VPS53: variants seen among roughly 807,000 people sequenced by gnomAD.
VPS53 encodes vacuolar protein sorting-associated protein 53 homolog.
VPS53 carries 70 observed loss-of-function variants against 107.0 expected under a neutral mutation model. The observed-to-expected ratio is 0.65, with a 90% confidence interval of 0.54 to 0.80. The LOEUF is 0.80. Among genes scored for constraint, VPS53 ranks in the 30% least tolerant of loss-of-function variants. The pLI is 0.00. For missense variants in VPS53, 917 were observed against 1,049.4 expected, an observed-to-expected ratio of 0.87 and a Z score of 1.74; for synonymous variants, 409 against 393.3, an observed-to-expected ratio of 1.04 and a Z score of -0.47.
At chr17:686,713 A>C (rs1972598598) in intron 4 of VPS53, among the ~76,000 whole-genome samples, 1 of 152,258 alleles carries the variant, frequency 6.6e-6, no homozygotes, top group Non-Finnish European at 1.5e-5. Context: ...CGGAAAAGCC[A>C]CAGGAACTCG....
intron 4 of VPS53, among the ~76,000 whole-genome samples, chr17:694,256 G>A (rs1440329315): frequency 6.6e-6 from 1 of 152,162 alleles, no homozygotes; most frequent in Admixed American, 6.5e-5. Flanking sequence ...ATGTGGTCTT[G>A]CTCTGTGAAA....
At chr17:684,316 CA>C (rs938105710) in intron 4 of VPS53, among the ~76,000 whole-genome samples, 77 of 148,158 alleles carry the variant, frequency 5.2e-4, no homozygotes, top group African/African-American at 1.6e-3. Context: ...CAAAAGCCTA[CA>C]AAAAAAAAAT....
intron 19 of VPS53, among the ~76,000 whole-genome samples, chr17:525,151 G>GT (rs1909035073): frequency 6.6e-6 from 1 of 152,154 alleles, no homozygotes; most frequent in Admixed American, 6.5e-5. Context: ...TCAGAAAATA[G>GT]TAAGTTGGGC....
At position 519,430 on chromosome 17, in the gene VPS53, C is replaced by A; in HGVS notation, c.2329-132G>T. On this transcript the variant is annotated intron_variant, in intron 21 of 21. Coordinates refer to ENST00000437048, the MANE Select transcript of VPS53 (RefSeq NM_001128159.3). The surrounding 1 kb of genome is among the most constrained non-coding windows in gnomAD (Gnocchi z 5.0). ...ATAGTTACTCCAGGCTGAGGATGAA[C>A]CGTTTCCTCAAGGGACTCACCATCC... is the stretch of plus-strand genomic sequence containing the variant. 2 of 958,828 alleles carry A rather than the reference C, an allele frequency of 2.1e-6. No homozygotes were observed. The highest frequency in any genetic ancestry group is 2.1e-5 in the South Asian group (1 of 48,288). The allele number at this position is 958,828 out of a possible 1,614,324, so 59.4% of individuals were successfully genotyped here.
intron 4 of VPS53, among the ~76,000 whole-genome samples, chr17:671,487 C>G (rs1283089630): frequency 6.6e-6 from 1 of 152,248 alleles, no homozygotes; most frequent in African/African-American, 2.4e-5. Context: ...TGATTTCTGT[C>G]AAGCCTCTTA....
intron 18 of VPS53, chr17:536,611 T>C (rs1910087568): frequency 5.9e-6 from 1 of 170,788 alleles, no homozygotes. Context: ...TTCTTTTGTG[T>C]ACAAATTAAA....
At chr17:672,109 G>GACAC (rs10630363) in intron 4 of VPS53, among the ~76,000 whole-genome samples, 21,632 of 108,514 alleles carry the variant, frequency 0.2, 1,674 homozygotes, top group South Asian at 0.24. Flanking sequence ...TGATGAGGGT[G>GACAC]ACACACACAC....
At chr17:619,928 G>A (rs1385096164) in intron 11 of VPS53, among the ~76,000 whole-genome samples, 3 of 132,772 alleles carry the variant, frequency 2.3e-5, no homozygotes, top group African/African-American at 5.8e-5. Context: ...GCGCCACCAC[G>A]CCCCGCTAGT....
In VPS53 at chr17:714,631, T is replaced by C. The variant is rs200859444; in HGVS notation, c.79A>G (p.Ile27Val). ...AGGGGCGGAACGCTTACCTGCTCGATGGCCAGCTGCACCTCGGGCGTGAGC... is the reference window on the plus strand; with the variant it reads ...AGGGGCGGAACGCTTACCTGCTCGACGGCCAGCTGCACCTCGGGCGTGAGC... ...LQLTPEVQLA[I>V]EQVFPSQDPL... The change falls in exon 1 of 22, where the codon ATC becomes GTC. Residue 27 changes from isoleucine to valine, a missense_variant. Ile to Val is a conservative substitution (Grantham distance 29). Coordinates refer to ENST00000437048, the MANE Select transcript of VPS53 (RefSeq NM_001128159.3). The C allele has an allele frequency of 8.1e-6, 13 of 1,611,962 alleles. No homozygotes were observed. The highest frequency in any genetic ancestry group is 6.7e-5 in the East Asian group (3 of 44,700).
chr17:671,345 GGAAA>G (rs768077040), intron 4 of VPS53, among the ~76,000 whole-genome samples: 19 of 149,174 alleles, frequency 1.3e-4, no homozygotes, highest in African/African-American at 2.5e-4. Flanking sequence ...GAAAGAAAGA[GGAAA>G]GAAAGAAAGA....
Position 655,869 on chromosome 17 carries a change from G to A in VPS53, c.457C>T (p.His153Tyr). 1 of 1,614,026 alleles carries A rather than the reference G, an allele frequency of 6.2e-7. No individual in the cohort carries two copies. The change falls in exon 6 of 22, where the codon CAC (histidine) becomes TAC (tyrosine). Residue 153 changes from histidine (H) to tyrosine (Y), a missense_variant. His to Tyr is a moderately conservative substitution (Grantham distance 83, BLOSUM62 2). Transcript: ENST00000437048. ...TTSITTLNHL[H>Y]MLAGGVDSLE... ...GAGTCGACACCTCCTGCCAGCATGTGCAGGTGGTTCAGTGTGGTGATTGAG... is the reference window on the plus strand; with the variant it reads ...GAGTCGACACCTCCTGCCAGCATGTACAGGTGGTTCAGTGTGGTGATTGAG...
intron 11 of VPS53, chr17:616,314 G>A (rs36027158): frequency 0.13 from 19,386 of 152,220 alleles, 1,661 homozygotes; most frequent in South Asian, 0.22. Flanking sequence ...AAATAGAGAG[G>A]GAAAGAAAGA....
rs969937337 is a variant in VPS53, at chr17:634,733, T to C, written c.609-3105A>G. 2.6e-4 allele frequency among the ~76,000 whole-genome samples: 40 copies of C among 152,232 alleles called. 1 individual carries two copies. Among genetic ancestry groups the C allele is most frequent in the East Asian group, 1.9e-3 (10 of 5,188 alleles). On this transcript the variant is annotated intron_variant, in intron 7 of 21. Transcript: ENST00000437048. ...CTAAAAGGGACATGAACTCATCCTT[T>C]TTTATGGCTGCATAGTATTCCATGG...
At chr17:630,016 G>T (rs897938999) in intron 8 of VPS53, among the ~76,000 whole-genome samples, 1 of 152,012 alleles carries the variant, frequency 6.6e-6, no homozygotes, top group Non-Finnish European at 1.5e-5. Context: ...ATGAGTGGCT[G>T]GGCATGGTGG....
At chr17:670,790 G>A (rs1186778593) in intron 4 of VPS53, among the ~76,000 whole-genome samples, 2 of 152,170 alleles carry the variant, frequency 1.3e-5, no homozygotes, top group African/African-American at 4.8e-5. Context: ...CGAAGAGCTG[G>A]TATGGCTTTA....
Position 518,817 on chromosome 17 carries a change from A to AGAG in VPS53, c.*308_*310dup, listed in dbSNP as rs1209899858. The AGAG allele has an allele frequency of 4.1e-6, 1 of 242,438 alleles. No individual in the cohort carries two copies. Among genetic ancestry groups the AGAG allele is most frequent in the Non-Finnish European group, 7.8e-6 (1 of 128,310 alleles). The allele number at this position is 242,438 out of a possible 1,614,324, so 15.0% of individuals were successfully genotyped here. On this transcript the variant is annotated 3_prime_UTR_variant, in exon 22 of 22. Coordinates refer to ENST00000437048, the MANE Select transcript of VPS53 (RefSeq NM_001128159.3). ...AAGGACGGGTGGGGCCCACGTGTCA[A>AGAG]GAGGGTGTGACTGCCATGGGGAGGC...
intron 17 of VPS53, among the ~76,000 whole-genome samples, chr17:544,406 G>A (rs1301787050): frequency 1.3e-5 from 2 of 152,188 alleles, no homozygotes; most frequent in African/African-American, 4.8e-5. Context: ...TTAGGAGGCC[G>A]AGGCTCTTCC....
chr17:566,576 GA>G, intron 13 of VPS53, among the ~76,000 whole-genome samples: 1 of 152,134 alleles, frequency 6.6e-6, no homozygotes. Flanking sequence ...TGGAGGGTGG[GA>G]AGGTGGAAAC....
At chr17:644,821 C>T (rs1242394222) in intron 7 of VPS53, among the ~76,000 whole-genome samples, 2 of 152,152 alleles carry the variant, frequency 1.3e-5, no homozygotes, top group Non-Finnish European at 2.9e-5. Flanking sequence ...AGAGCTCAAG[C>T]GATCTGCCTG....
Sources: gnomAD v4.1 joint callset for allele counts (sites outside exome capture counted in the v4.1 genomes callset) on GRCh38, gnomAD v4.1.1 for gene constraint, Gnocchi (gnomAD v3.1) non-coding constraint, MANE v1.5 for transcripts, NCBI Gene and HGNC (gene_info 2026-07-23, HGNC 2026-07-21) for gene names.